Variants in CFAP100 observed in about 807,000 individuals in gnomAD.
CFAP100 encodes cilia and flagella associated protein 100.
A neutral mutation model predicts 81.5 loss-of-function variants in CFAP100; 70 were observed. The observed-to-expected ratio is 0.86, with a 90% CI of 0.71 to 1.05. CFAP100 has a LOEUF of 1.05. Among genes scored for constraint, CFAP100 ranks in the 50% least tolerant of loss-of-function variants. CFAP100 has a pLI of 0.00. For synonymous variants in CFAP100, 341 were observed against 314.8 expected, an observed-to-expected ratio of 1.08 and a Z score of -0.88; for missense variants, 811 against 776.5, an observed-to-expected ratio of 1.04 and a Z score of -0.53.
rs1933309936 is a variant in CFAP100 at position 126,433,370 on chromosome 3, T to TG, written c.1422+167dup. The TG allele has an allele frequency of 6.7e-6, 5 of 746,658 alleles. No individual in the cohort carries two copies. In the Admixed American group the frequency reaches 1.1e-4, roughly 17 times the overall value. 46.3% of individuals were successfully genotyped at this position (746,658 alleles called of 1,614,324 possible). A position where few individuals can be genotyped will look rare whatever the true frequency, so the allele number is the denominator to read the frequency against. On this transcript the variant is annotated intron_variant, in intron 14 of 16. Transcript: ENST00000352312. ...CTCCAGGAGCCACCACATGTATTGA[T>TG]GCCTGTGCCAGCCAGCTTGGTTGCC...
intron 13 of CFAP100, among the ~76,000 whole-genome samples, chr3:126,432,353 G>C (rs528028680): frequency 1.3e-5 from 2 of 150,078 alleles, no homozygotes; most frequent in African/African-American, 4.9e-5. Context: ...ATATATATTC[G>C]TGAGAATTGA....
chr3:126,424,883 C>T (rs1304262852), intron 13 of CFAP100, among the ~76,000 whole-genome samples: 1 of 152,172 alleles, frequency 6.6e-6, no homozygotes, highest in Non-Finnish European at 1.5e-5. Flanking sequence ...ACAGGCTGGG[C>T]GAAGAGGGTC....
intron 7 of CFAP100, 33 bp from the exon 8 acceptor site, chr3:126,419,043 C>CCCAAACCA: frequency 3.6e-6 from 3 of 825,900 alleles, no homozygotes; most frequent in Non-Finnish European, 5.9e-6. Context: ...GCCCCTTGCC[C>CCCAAACCA]CCATCCCTCC....
intron 2 of CFAP100, 99 bp downstream of exon 2, chr3:126,396,148 A>G: frequency 1.1e-6 from 1 of 906,066 alleles, no homozygotes; most frequent in Non-Finnish European, 1.8e-6. Flanking sequence ...ACCAAACACT[A>G]GGCAGGAGTC....
intron 13 of CFAP100, chr3:126,432,747 C>G (rs182246161): frequency 7.9e-4 from 169 of 214,260 alleles, no homozygotes; most frequent in Non-Finnish European, 1.2e-3. Context: ...AGATTATGGT[C>G]ATGGTTGTGT....
In CFAP100 at chr3:126,419,062, C is replaced by CCCCCCA; in HGVS notation, c.651-14_651-13insCCCCCA. 6.7e-7 allele frequency: 1 copy of CCCCCCA among 1,492,278 alleles called. No individual in the cohort carries two copies. 92.4% of individuals were successfully genotyped at this position (1,492,278 alleles called of 1,614,324 possible). A position where few individuals can be genotyped will look rare whatever the true frequency, so the allele number is the denominator to read the frequency against. On this transcript the variant is annotated splice_polypyrimidine_tract_variant and intron_variant, in intron 7 of 16. Coordinates refer to ENST00000352312, the MANE Select transcript of CFAP100 (RefSeq NM_182628.3). Reference sequence around the variant, plus strand: ...CTTGCCCCCATCCCTCCTCCCCCGCCGCCCAACCCCTAGGGCTGAGAAGGA... The same window carrying CCCCCCA: ...CTTGCCCCCATCCCTCCTCCCCCGCCCCCCCAGCCCAACCCCTAGGGCTGAGAAGGA...
rs891486878 is a variant in CFAP100, at chr3:126,422,495, C to G, written c.1083-830C>G. ...CTGGGGCAAGCCAGCGCAGCCCCCCCCACCTCAGTCAGCAGGACCTGCAGA... is the reference window on the plus strand; with the variant it reads ...CTGGGGCAAGCCAGCGCAGCCCCCCGCACCTCAGTCAGCAGGACCTGCAGA... On this transcript the variant is annotated intron_variant, in intron 11 of 16. Coordinates refer to ENST00000352312, the MANE Select transcript of CFAP100 (RefSeq NM_182628.3). Among the ~76,000 whole-genome samples the G allele has an allele frequency of 5.3e-5, 8 of 152,200 alleles. No individual in the cohort carries two copies. In the East Asian group the frequency reaches 1.5e-3, roughly 29 times the overall value.
chr3:126,436,502 T>C lies in CFAP100; in HGVS notation c.*98T>C. On this transcript the variant is annotated 3_prime_UTR_variant, in exon 17 of 17. Coordinates refer to ENST00000352312, the MANE Select transcript of CFAP100 (RefSeq NM_182628.3). ...GGTCTCGAGTGGCCCAACTGAGTCCTCTCTGTCTCCTGTGTGCTCCCTTCC... is the reference window on the plus strand; with the variant it reads ...GGTCTCGAGTGGCCCAACTGAGTCCCCTCTGTCTCCTGTGTGCTCCCTTCC... 2.5e-6 allele frequency: 2 copies of C among 806,748 alleles called. No homozygotes were observed. The highest frequency in any genetic ancestry group is 4.2e-6 in the Non-Finnish European group (2 of 480,020). 50.0% of individuals were successfully genotyped at this position (806,748 alleles called of 1,614,324 possible). A position where few individuals can be genotyped will look rare whatever the true frequency, so the allele number is the denominator to read the frequency against.
Position 126,423,580 on chromosome 3 carries a change from AG to A in CFAP100, c.1223del (p.Ser408ThrfsTer11). 6.2e-7 allele frequency: 1 copy of A among 1,612,582 alleles called. No individual in the cohort carries two copies. Among genetic ancestry groups the A allele is most frequent in the Non-Finnish European group, 8.5e-7 (1 of 1,178,748 alleles). Reference sequence around the variant, plus strand: ...GCAGAACCTGTCGCTGATCCAGAACAGCCAGGAGACGGAGAAGACCCTGGAG... The same window carrying A: ...GCAGAACCTGTCGCTGATCCAGAACACCAGGAGACGGAGAAGACCCTGGAG... ...EEQNLSLIQN[S>X]QETEKTLEEL... On this transcript the variant is annotated frameshift_variant, in exon 13 of 17. Transcript: ENST00000352312. LOFTEE classifies it high-confidence loss of function.
In CFAP100 at chr3:126,436,478, G is replaced by A. The variant is rs1933451402; in HGVS notation, c.*74G>A. On this transcript the variant is annotated 3_prime_UTR_variant, in exon 17 of 17. Coordinates refer to ENST00000352312, the MANE Select transcript of CFAP100 (RefSeq NM_182628.3). The stretch of plus-strand genomic sequence containing the variant: ...GCAGAGGAAGCAGAGACTGGGCTGG[G>A]TCTCGAGTGGCCCAACTGAGTCCTC... 3.5e-6 allele frequency: 4 copies of A among 1,148,698 alleles called. No individual in the cohort carries two copies. The highest frequency in any genetic ancestry group is 5.1e-6 in the Non-Finnish European group (4 of 782,084). The allele number at this position is 1,148,698 out of a possible 1,614,324, so 71.2% of individuals were successfully genotyped here. A position where few individuals can be genotyped will look rare whatever the true frequency, so the allele number is the denominator to read the frequency against.
chr3:126,418,600 C>G lies in CFAP100; in HGVS notation c.487-11C>G, dbSNP rs1560073166. On this transcript the variant is annotated splice_polypyrimidine_tract_variant and intron_variant, in intron 6 of 16. Transcript: ENST00000352312. ...GGCCAGGCACCATGACCCCACTCTG[C>G]TGGCCCCCAGTATGCCCTGGATGTC... 3.7e-6 allele frequency: 6 copies of G among 1,610,570 alleles called. No individual in the cohort carries two copies. Among genetic ancestry groups the G allele is most frequent in the Non-Finnish European group, 5.1e-6 (6 of 1,178,208 alleles).
intron 13 of CFAP100, among the ~76,000 whole-genome samples, chr3:126,429,952 AT>A (rs944207923): frequency 1.3e-4 from 20 of 151,742 alleles, no homozygotes; most frequent in Non-Finnish European, 2.7e-4. Flanking sequence ...CTTTTTAGCC[AT>A]TTTTTTCTTT....
In CFAP100 at chr3:126,416,436, G is replaced by A. The variant is rs2107603137; in HGVS notation, c.346G>A (p.Glu116Lys). ...LQLEDKQEDL[E>K]ARAEAEHQRA... ...GCTGGAGGACAAGCAGGAGGACCTG[G>A]AGGCGCGCGCCGAGGCCGAGCATCA... Residue 116 changes from glutamate to lysine, a missense_variant, in exon 5 of 17, where the codon GAG becomes AAG. By Grantham distance (56) the Glu-to-Lys change is moderately conservative (BLOSUM62 1). Transcript: ENST00000352312. 2.5e-6 allele frequency: 4 copies of A among 1,611,394 alleles called. No individual in the cohort carries two copies. The highest frequency in any genetic ancestry group is 2.2e-5 in the South Asian group (2 of 90,900).
chr3:126,398,470 G>A (rs186029922), intron 2 of CFAP100, among the ~76,000 whole-genome samples: 4 of 152,222 alleles, frequency 2.6e-5, no homozygotes, highest in Non-Finnish European at 4.4e-5. Flanking sequence ...TGAAGGAGCC[G>A]TGTGCATGCG....
At chr3:126,399,372 T>C (rs1031110628) in intron 2 of CFAP100, among the ~76,000 whole-genome samples, 6 of 152,026 alleles carry the variant, frequency 3.9e-5, no homozygotes, top group Admixed American at 3.3e-4. Flanking sequence ...TGCTGTTCAA[T>C]ATTGCACTAG....
chr3:126,422,018 G>A (rs772186677), intron 11 of CFAP100, among the ~76,000 whole-genome samples: 8 of 152,222 alleles, frequency 5.3e-5, no homozygotes, highest in Non-Finnish European at 7.3e-5. Context: ...GAACAGAGTC[G>A]GGGATCACAC....
intron 13 of CFAP100, among the ~76,000 whole-genome samples, chr3:126,431,870 T>A (rs1018103188): frequency 1.3e-5 from 2 of 152,156 alleles, no homozygotes; most frequent in African/African-American, 4.8e-5. Flanking sequence ...TCAATAGGCA[T>A]GGGTCAAGGC....
intron 4 of CFAP100, 92 bp downstream of exon 4, chr3:126,414,271 C>T: frequency 2.3e-6 from 2 of 877,408 alleles, no homozygotes; most frequent in Non-Finnish European, 3.9e-6. Flanking sequence ...CAGAGGAGCA[C>T]TTTCCTCAGG....
In CFAP100 at chr3:126,416,427, G is replaced by A. The variant is rs890127142; in HGVS notation, c.337G>A (p.Glu113Lys). Residue 113 changes from glutamate (E) to lysine (K), a missense_variant, in exon 5 of 17, where the codon GAG (glutamate) becomes AAG (lysine). Glu to Lys is a moderately conservative substitution (Grantham distance 56, BLOSUM62 1). Transcript: ENST00000352312. ...RRQLQLEDKQ[E>K]DLEARAEAEH... is the part of the protein sequence containing the mutation. ...GCAGCTGCAGCTGGAGGACAAGCAG[G>A]AGGACCTGGAGGCGCGCGCCGAGGC... 6.2e-6 allele frequency: 10 copies of A among 1,611,616 alleles called. No individual in the cohort carries two copies. Among genetic ancestry groups the A allele is most frequent in the South Asian group, 4.4e-5 (4 of 90,930 alleles).
Sources: allele counts gnomAD v4.1 joint callset (sites outside exome capture counted in the v4.1 genomes callset), GRCh38; gene constraint gnomAD v4.1.1; transcripts MANE v1.5; gene names NCBI Gene and HGNC (gene_info 2026-07-23, HGNC 2026-07-21).